The following VDAC1 variants were observed in gnomAD, a reference collection of about 807,000 sequenced individuals.
VDAC1 encodes the protein voltage dependent anion channel 1.
A neutral mutation model predicts 34.7 loss-of-function variants in VDAC1; 10 were observed. The ratio of observed to expected loss-of-function variants is 0.29; its 90% CI spans 0.18 to 0.49. The LOEUF (loss-of-function observed/expected upper bound fraction) is 0.49. VDAC1 is among the 20% of genes least tolerant of loss of function. The pLI, the probability that VDAC1 is intolerant of heterozygous loss-of-function variation, is 0.99. For missense variants in VDAC1, 230 were observed against 347.9 expected, an observed-to-expected ratio of 0.66 and a Z score of 2.69; for synonymous variants, 130 against 136.0, an observed-to-expected ratio of 0.96 and a Z score of 0.30.
intron 6 of VDAC1, among the ~76,000 whole-genome samples, chr5:133,978,221 C>G (rs1004692844): frequency 6.6e-6 from 1 of 151,778 alleles, no homozygotes; most frequent in Admixed American, 6.6e-5. Context: ...GGCTGGAGAG[C>G]AGTGGCAAAA....
At chr5:134,106,893 G>GA in the VDAC1 span, among the ~76,000 whole-genome samples, 1 of 152,176 alleles carries the variant, frequency 6.6e-6, no homozygotes. Context: ...CCTGGTTTTA[G>GA]AAAAAGTTGA....
the VDAC1 span, among the ~76,000 whole-genome samples, chr5:134,043,675 G>T: frequency 6.6e-6 from 1 of 151,998 alleles, no homozygotes; most frequent in South Asian, 2.1e-4. Context: ...GGTACTTACA[G>T]TTGTGCACCA....
the VDAC1 span, among the ~76,000 whole-genome samples, chr5:134,031,950 C>CAAAAAAAAA: frequency 1.5e-5 from 1 of 68,782 alleles, no homozygotes; most frequent in Non-Finnish European, 2.9e-5. Context: ...GACCCCATCT[C>CAAAAAAAAA]AAAAAAAAAA....
chr5:133,992,438 G>T, intron 2 of VDAC1, 83 bp from the exon 3 acceptor site: 2 of 1,135,948 alleles, frequency 1.8e-6, no homozygotes, highest in Non-Finnish European at 2.4e-6. Flanking sequence ...GCTTCAGGAT[G>T]CTTTTTTAAA....
At chr5:133,993,375 T>C (rs1178622214) in intron 1 of VDAC1, among the ~76,000 whole-genome samples, 1 of 152,248 alleles carries the variant, frequency 6.6e-6, no homozygotes, top group Non-Finnish European at 1.5e-5. Flanking sequence ...CTTTACTGAA[T>C]TGTAGGACTG....
At chr5:134,028,207 A>T in the VDAC1 span, among the ~76,000 whole-genome samples, 1 of 151,880 alleles carries the variant, frequency 6.6e-6, no homozygotes, top group South Asian at 2.1e-4. Flanking sequence ...ATCTCGGCTC[A>T]CTGCAACCTC....
At chr5:134,100,670 G>T in the VDAC1 span, among the ~76,000 whole-genome samples, 1 of 152,218 alleles carries the variant, frequency 6.6e-6, no homozygotes, top group African/African-American at 2.4e-5. Context: ...AGAGCCGGCC[G>T]AGACTCCGTC....
the VDAC1 span, among the ~76,000 whole-genome samples, chr5:134,062,743 C>T: frequency 6.6e-6 from 1 of 151,732 alleles, no homozygotes; most frequent in Admixed American, 6.6e-5. Context: ...TCTCCCGCCT[C>T]AGCCTCCTGA....
the VDAC1 span, among the ~76,000 whole-genome samples, chr5:134,061,430 G>A: frequency 1.3e-5 from 2 of 151,530 alleles, no homozygotes; most frequent in African/African-American, 2.4e-5. Flanking sequence ...GGAATGCAAT[G>A]GTAAGATCAC....
intron 5 of VDAC1, among the ~76,000 whole-genome samples, chr5:133,984,692 T>G (rs1752843284): frequency 1.3e-5 from 2 of 152,080 alleles, no homozygotes; most frequent in Non-Finnish European, 2.9e-5. Context: ...TTCCAACACT[T>G]TTAGAGGCCA....
chr5:133,981,168 C>T (rs1752682889), intron 5 of VDAC1, among the ~76,000 whole-genome samples: 1 of 151,974 alleles, frequency 6.6e-6, no homozygotes, highest in Non-Finnish European at 1.5e-5. Flanking sequence ...CCCACAATAA[C>T]GAAGTGAGAA....
At chr5:134,054,419 TC>T in the VDAC1 span, among the ~76,000 whole-genome samples, 3 of 151,818 alleles carry the variant, frequency 2.0e-5, no homozygotes, top group Non-Finnish European at 4.4e-5. Flanking sequence ...GTCTTTCTTT[TC>T]TTTTCTCTTT....
chr5:134,065,351 T>C, the VDAC1 span, among the ~76,000 whole-genome samples: 1 of 147,522 alleles, frequency 6.8e-6, no homozygotes, highest in African/African-American at 2.5e-5. Flanking sequence ...TTTTTTTTTT[T>C]TTTTTTTTGA....
At chr5:134,083,188 TTC>T in the VDAC1 span, among the ~76,000 whole-genome samples, 5 of 149,600 alleles carry the variant, frequency 3.3e-5, no homozygotes, top group Admixed American at 6.8e-5. Flanking sequence ...TTCTTTTTTT[TTC>T]TTTTTTTTTT....
At chr5:134,063,025 G>A in the VDAC1 span, among the ~76,000 whole-genome samples, 1 of 152,166 alleles carries the variant, frequency 6.6e-6, no homozygotes, top group Admixed American at 6.5e-5. Context: ...TAGTTTCCCA[G>A]TATGTTGGAA....
rs1480544738 is a variant in VDAC1 at position 133,980,772 on chromosome 5, C to A, written c.508G>T (p.Ala170Ser). The change falls in exon 6 of 9, where the codon GCA (alanine) becomes TCA (serine). Residue 170 changes from alanine (A) to serine (S), a missense_variant. Ala to Ser is a moderately conservative substitution (Grantham distance 99). Transcript: ENST00000265333. The stretch of plus-strand genomic sequence containing the variant: ...AATTCATCAGTCTTGTAGCCAACTG[C>A]AAAGTTGCTCTGGGTCACTCGGGAT... ...AKSRVTQSNFAVGYKTDEFQL... is the reference protein window; with the variant it reads ...AKSRVTQSNFSVGYKTDEFQL... 1 of 1,525,368 alleles carries A rather than the reference C, an allele frequency of 6.6e-7. No homozygotes were observed. The highest frequency in any genetic ancestry group is 8.9e-7 in the Non-Finnish European group (1 of 1,125,458). 94.5% of individuals were successfully genotyped at this position (1,525,368 alleles called of 1,614,324 possible).
At chr5:134,085,407 T>C in the VDAC1 span, among the ~76,000 whole-genome samples, 1 of 152,026 alleles carries the variant, frequency 6.6e-6, no homozygotes, top group South Asian at 2.1e-4. Flanking sequence ...AGCCACTGAT[T>C]TCAGTACAAA....
At chr5:134,049,988 C>T in the VDAC1 span, among the ~76,000 whole-genome samples, 10 of 152,156 alleles carry the variant, frequency 6.6e-5, no homozygotes, top group Admixed American at 2.0e-4. Context: ...CGGTGGCTCA[C>T]GCCTGTAACC....
intron 5 of VDAC1, among the ~76,000 whole-genome samples, chr5:133,986,044 T>C (rs1401816660): frequency 6.6e-6 from 1 of 152,234 alleles, no homozygotes; most frequent in Non-Finnish European, 1.5e-5. Context: ...TTTCTAACAC[T>C]GCACACCATG....
Sources: gnomAD v4.1 joint callset for allele counts (sites outside exome capture counted in the v4.1 genomes callset) on GRCh38, gnomAD v4.1.1 for gene constraint, MANE v1.5 for transcripts, NCBI Gene and HGNC (gene_info 2026-07-23, HGNC 2026-07-21) for gene names.